Variants in CLIP4 observed in about 807,000 individuals in gnomAD.
CLIP4 encodes CAP-Gly domain-containing linker protein 4.
Under a neutral mutation model 73.1 loss-of-function variants are expected in CLIP4, and 47 were observed. The ratio of observed to expected loss-of-function variants is 0.64; its 90% CI spans 0.51 to 0.82. CLIP4 has a LOEUF of 0.82. CLIP4 is among the 40% of genes least tolerant of loss of function. The pLI, the probability that CLIP4 is intolerant of heterozygous loss-of-function variation, is 0.00. For missense variants in CLIP4, 874 were observed against 852.9 expected (o/e 1.02, Z -0.31); for synonymous variants, 306 against 295.4 (o/e 1.04, Z -0.37).
chr2:29,159,919 C>T (rs1472408596), intron 11 of CLIP4, among the ~76,000 whole-genome samples: 2 of 152,220 alleles, frequency 1.3e-5, no homozygotes, highest in African/African-American at 2.4e-5. Flanking sequence ...CATGCTGCAA[C>T]AGCAGAGTTC....
At chr2:29,123,641 C>T (rs1486084787) in intron 2 of CLIP4, among the ~76,000 whole-genome samples, 1 of 152,080 alleles carries the variant, frequency 6.6e-6, no homozygotes, top group Non-Finnish European at 1.5e-5. Context: ...TTGGTATATC[C>T]TAAGAATTAA....
intron 9 of CLIP4, among the ~76,000 whole-genome samples, chr2:29,153,182 G>A (rs1181337164): frequency 6.6e-6 from 1 of 152,058 alleles, no homozygotes; most frequent in Non-Finnish European, 1.5e-5. Flanking sequence ...CCAAAAAAAA[G>A]TCCTGACTCG....
intron 1 of CLIP4, among the ~76,000 whole-genome samples, chr2:29,120,457 T>G (rs925078693): frequency 6.6e-6 from 1 of 152,144 alleles, no homozygotes; most frequent in Non-Finnish European, 1.5e-5. Context: ...TAGTATGGTG[T>G]TGTCTACTAC....
rs766377486 is a variant in CLIP4, at chr2:29,152,732, A to G, written c.1069A>G (p.Lys357Glu). 58 of 1,613,692 alleles carry G rather than the reference A, an allele frequency of 3.6e-5. No homozygotes were observed. Among genetic ancestry groups the G allele is most frequent in the Middle Eastern group, 1.6e-4 (1 of 6,080 alleles). The change falls in exon 9 of 16, where the codon AAG becomes GAG. Residue 357 changes from lysine to glutamate, a missense_variant. By Grantham distance (56) the Lys-to-Glu change is moderately conservative. Transcript: ENST00000320081. ...GATAAGTAAAGCAAAAGGTCGAAGGAAGAATATAACACACACTCCTTCTAC... is the reference window on the plus strand; with the variant it reads ...GATAAGTAAAGCAAAAGGTCGAAGGGAGAATATAACACACACTCCTTCTAC... Reference protein sequence around the residue: ...SKISKAKGRRKNITHTPSTKA... With the variant: ...SKISKAKGRRENITHTPSTKA...
intron 2 of CLIP4, chr2:29,130,779 G>A: frequency 1.6e-6 from 2 of 1,285,504 alleles, no homozygotes; most frequent in Non-Finnish European, 2.0e-6. Flanking sequence ...AGAACTATGT[G>A]TACATAGTAT....
At chr2:29,174,817 C>A in intron 15 of CLIP4, 1 of 362,666 alleles carries the variant, frequency 2.8e-6, no homozygotes, top group Non-Finnish European at 3.8e-6. Context: ...AAATGTAAGG[C>A]GTAATCTTGC....
chr2:29,156,585 C>G (rs1007121180), intron 10 of CLIP4, 142 bp downstream of exon 10: 2 of 612,692 alleles, frequency 3.3e-6, no homozygotes, highest in Non-Finnish European at 5.6e-6. Flanking sequence ...TTGGAAATCA[C>G]TGAAGCAGCT....
intron 2 of CLIP4, among the ~76,000 whole-genome samples, chr2:29,124,334 A>C (rs184244175): frequency 7.9e-5 from 12 of 151,960 alleles, no homozygotes; most frequent in Non-Finnish European, 1.3e-4. Context: ...TCCCATTTGC[A>C]TTGTTTCTGC....
At chr2:29,170,230 A>G (rs1278131660) in intron 14 of CLIP4, among the ~76,000 whole-genome samples, 1 of 152,218 alleles carries the variant, frequency 6.6e-6, no homozygotes, top group Non-Finnish European at 1.5e-5. Flanking sequence ...GAGTGCAGCT[A>G]TCTCTTCAAT....
At position 29,143,751 on chromosome 2, in the gene CLIP4, G is replaced by C. The variant is rs901321216; in HGVS notation, c.691G>C (p.Val231Leu). 1.2e-6 allele frequency: 2 copies of C among 1,614,094 alleles called. No homozygotes were observed. Among genetic ancestry groups the C allele is most frequent in the Non-Finnish European group, 1.7e-6 (2 of 1,179,916 alleles). ...CCCTGCTGATGTTGTTCCAGACCCAGTAGATATGCCGTTAGAGATGGCTGA... is the reference window on the plus strand; with the variant it reads ...CCCTGCTGATGTTGTTCCAGACCCACTAGATATGCCGTTAGAGATGGCTGA... ...QIPADVVPDP[V>L]DMPLEMADAA... is the part of the protein sequence containing the mutation. Residue 231 changes from valine to leucine, a missense_variant, in exon 7 of 16, where the codon GTA becomes CTA. Physicochemically the swap from Val to Leu is conservative, Grantham distance 32. Transcript: ENST00000320081.
Position 29,135,611 on chromosome 2 carries a change from T to C in CLIP4, c.593T>C (p.Leu198Ser). 6.2e-7 allele frequency: 1 copy of C among 1,611,440 alleles called. No homozygotes were observed. ...GCTTTGCATATTGCAGCATACAACT[T>C]GTGTGCAGGTGCTGTGAAGTGCCTC... ...GTALHIAAYN[L>S]CAGAVKCLLE... The change falls in exon 6 of 16, where the codon TTG becomes TCG. Residue 198 changes from leucine (L) to serine (S), a missense_variant. Leu to Ser is a moderately radical substitution (Grantham distance 145, BLOSUM62 -2). Transcript: ENST00000320081.
chr2:29,122,826 CAAAAAAAAAAAAAAAA>C (rs11364909), intron 2 of CLIP4, among the ~76,000 whole-genome samples: 1 of 61,914 alleles, frequency 1.6e-5, no homozygotes, highest in Admixed American at 2.5e-4. Flanking sequence ...ACTTTGTCTC[CAAAAAAAAAAAAAAAA>C]AAAAAAAAGC....
At chr2:29,151,630 T>C (rs1244494659) in intron 8 of CLIP4, among the ~76,000 whole-genome samples, 4 of 152,190 alleles carry the variant, frequency 2.6e-5, no homozygotes, top group Non-Finnish European at 5.9e-5. Context: ...TTTTTAGTTA[T>C]TAACAAAGCA....
At chr2:29,135,813 A>G (rs991827676) in intron 6 of CLIP4, 147 bp downstream of exon 6, 2 of 556,214 alleles carry the variant, frequency 3.6e-6, no homozygotes, top group Non-Finnish European at 6.2e-6. Context: ...AAGAGTGATG[A>G]TGATCTTTAT....
At chr2:29,181,539 A>G (rs764242774) in intron 15 of CLIP4, 33 bp from the exon 16 acceptor site, 14 of 1,521,646 alleles carry the variant, frequency 9.2e-6, no homozygotes, top group East Asian at 9.1e-5. Context: ...CTTCAGCACT[A>G]AATAATTTTT....
Position 29,162,895 on chromosome 2 carries a change from G to A in CLIP4, c.1535-936G>A, listed in dbSNP as rs369237774. ...ATTAACTCTTTGAACTAGTAATCTG[G>A]AAGAAACACTATTTTTGTAATTTGT... On this transcript the variant is annotated intron_variant, in intron 12 of 15. Coordinates refer to ENST00000320081, the MANE Select transcript of CLIP4 (RefSeq NM_024692.6). Among the ~76,000 whole-genome samples, 120 of 152,196 alleles carry A rather than the reference G, an allele frequency of 7.9e-4. 1 individual carries two copies. The highest frequency in any genetic ancestry group is 3.4e-3 in the Middle Eastern group (1 of 294).
In CLIP4 at chr2:29,183,749, A is replaced by G. The variant is rs1271804742; in HGVS notation, c.*1856A>G. 1 of 152,400 alleles carries G rather than the reference A, an allele frequency of 6.6e-6. No homozygotes were observed. Among genetic ancestry groups the G allele is most frequent in the South Asian group, 2.1e-4 (1 of 4,830 alleles). 9.4% of individuals were successfully genotyped at this position (152,400 alleles called of 1,614,324 possible). A position where few individuals can be genotyped will look rare whatever the true frequency, so the allele number is the denominator to read the frequency against. ...TTTTCATTTGTGTTTTGCTTATGAA[A>G]TGTCATTTAAAGTTCACTTCTTGAG... On this transcript the variant is annotated 3_prime_UTR_variant, in exon 16 of 16. Coordinates refer to ENST00000320081, the MANE Select transcript of CLIP4 (RefSeq NM_024692.6).
At chr2:29,098,022 G>C (rs1461742438) in intron 1 of CLIP4, 1 of 152,228 alleles carries the variant, frequency 6.6e-6, no homozygotes, top group South Asian at 2.1e-4. Context: ...AGGCAGAGGT[G>C]AGTATCCTGA....
intron 11 of CLIP4, among the ~76,000 whole-genome samples, chr2:29,158,314 T>C (rs1170983304): frequency 6.6e-6 from 1 of 152,192 alleles, no homozygotes; most frequent in Non-Finnish European, 1.5e-5. Flanking sequence ...CTTCATTTGG[T>C]ATTTGCACTT....
Sources: allele counts gnomAD v4.1 joint callset (sites outside exome capture counted in the v4.1 genomes callset), GRCh38; gene constraint gnomAD v4.1.1; transcripts MANE v1.5; gene names NCBI Gene and HGNC (gene_info 2026-07-23, HGNC 2026-07-21).